Variants in LDB3 observed in about 807,000 individuals in gnomAD.
LDB3 encodes the protein LIM domain binding 3.
In LDB3, 49 loss-of-function variants were observed where a neutral mutation model predicts 69.0. The ratio of observed to expected loss-of-function variants is 0.71; its 90% CI spans 0.56 to 0.90. The LOEUF (loss-of-function observed/expected upper bound fraction) is 0.90, where lower values mean the gene tolerates loss of function less well. Ranked by LOEUF, LDB3 falls within the 40% of genes least tolerant of loss-of-function variation. The pLI, the probability that LDB3 is intolerant of heterozygous loss-of-function variation, is 0.00. For synonymous variants in LDB3, 387 were observed against 396.2 expected, an observed-to-expected ratio of 0.98 and a Z score of 0.28; for missense variants, 928 against 974.1, an observed-to-expected ratio of 0.95 and a Z score of 0.63.
At chr10:86,723,131 G>T (rs1030961941) in intron 12 of LDB3, among the ~76,000 whole-genome samples, 12 of 151,586 alleles carry the variant, frequency 7.9e-5, no homozygotes, top group Non-Finnish European at 1.3e-4. Context: ...GTAGCCGACC[G>T]TGGTGGTGCA....
intron 12 of LDB3, among the ~76,000 whole-genome samples, chr10:86,725,341 C>T (rs980130349): frequency 4.6e-5 from 7 of 152,092 alleles, no homozygotes; most frequent in Non-Finnish European, 1.0e-4. Context: ...ATCCACAAAA[C>T]AAAACAAAAA....
intron 7 of LDB3, among the ~76,000 whole-genome samples, chr10:86,695,529 C>T (rs1427956936): frequency 6.6e-6 from 1 of 152,230 alleles, no homozygotes; most frequent in Non-Finnish European, 1.5e-5. Flanking sequence ...AACTTCCCAC[C>T]CTGGAAGGAC....
intron 2 of LDB3, among the ~76,000 whole-genome samples, chr10:86,670,460 C>G (rs946618182): frequency 6.6e-6 from 1 of 152,166 alleles, no homozygotes; most frequent in Non-Finnish European, 1.5e-5. Context: ...ACATCTCCCC[C>G]AGCTCCACCA....
At position 86,699,350 on chromosome 10, in the gene LDB3, C is replaced by G; in HGVS notation, c.896+6779C>G. ...GCAACTGGCACCATGGCCTTTCAGC[C>G]CAAATCCTTAATGTTAAAAGCTAAA... is the stretch of plus-strand genomic sequence containing the variant. On this transcript the variant is annotated intron_variant, in intron 7 of 13. Transcript: ENST00000361373. This position sits in a 1 kb window ranked among gnomAD's most constrained non-coding sequence, Gnocchi z 4.9. 1.2e-6 allele frequency: 2 copies of G among 1,613,928 alleles called. No homozygotes were observed. Among genetic ancestry groups the G allele is most frequent in the Non-Finnish European group, 1.7e-6 (2 of 1,179,996 alleles).
chr10:86,688,918 G>A (rs565957538), intron 5 of LDB3, among the ~76,000 whole-genome samples: 12 of 152,240 alleles, frequency 7.9e-5, no homozygotes, highest in East Asian at 3.9e-4. Flanking sequence ...CACGAAGGAC[G>A]TTTCCCATCT....
In LDB3 at chr10:86,699,324, C is replaced by T. The variant is rs121908335; in HGVS notation, c.896+6753C>T. On this transcript the variant is annotated intron_variant, in intron 7 of 13. Transcript: ENST00000361373. The surrounding 1 kb of genome is among the most constrained non-coding windows in gnomAD (Gnocchi z 4.9). ...TAACAGCCCACGTTTTGCCAAATTG[C>T]GCAACTGGCACCATGGCCTTTCAGC... The T allele has an allele frequency of 1.2e-4, 201 of 1,613,696 alleles. No individual in the cohort carries two copies. Among genetic ancestry groups the T allele is most frequent in the Non-Finnish European group, 1.6e-4 (184 of 1,179,934 alleles).
intron 12 of LDB3, among the ~76,000 whole-genome samples, chr10:86,721,109 T>G (rs901018502): frequency 2.6e-5 from 4 of 152,220 alleles, no homozygotes; most frequent in Admixed American, 6.5e-5. Context: ...CGTGCCTATT[T>G]TTGATTCTGT....
chr10:86,720,139 T>A (rs565533185), intron 12 of LDB3, among the ~76,000 whole-genome samples: 1 of 152,242 alleles, frequency 6.6e-6, no homozygotes, highest in Admixed American at 6.5e-5. Context: ...TTCCCCTGAC[T>A]GTAAATTAGA....
rs1201989932 is a variant in LDB3, at chr10:86,733,116, G to GT, written c.*146dup. 1 of 704,460 alleles carries GT rather than the reference G, an allele frequency of 1.4e-6. No homozygotes were observed. The highest frequency in any genetic ancestry group is 2.5e-6 in the Non-Finnish European group (1 of 394,968). The allele number at this position is 704,460 out of a possible 1,614,324, so 43.6% of individuals were successfully genotyped here. A position where few individuals can be genotyped will look rare whatever the true frequency, so the allele number is the denominator to read the frequency against. ...GAGCCCTTTGGAAGTATAATTTTAG[G>GT]TTTTTTCTTCTGTACACAGATCGTG... is the stretch of plus-strand genomic sequence containing the variant. On this transcript the variant is annotated 3_prime_UTR_variant, in exon 14 of 14. Transcript: ENST00000361373.
At chr10:86,714,683 G>A (rs1436932546) in intron 9 of LDB3, among the ~76,000 whole-genome samples, 2 of 151,506 alleles carry the variant, frequency 1.3e-5, no homozygotes, top group African/African-American at 2.4e-5. Context: ...AGCCTCCTGA[G>A]TAGCTGGGAC....
chr10:86,702,649 G>A (rs1418451649), intron 7 of LDB3, among the ~76,000 whole-genome samples: 1 of 152,152 alleles, frequency 6.6e-6, no homozygotes, highest in Non-Finnish European at 1.5e-5. Flanking sequence ...ATCAGGATGG[G>A]GTGATCTCAC....
At chr10:86,685,285 C>A (rs1845405872) in intron 5 of LDB3, among the ~76,000 whole-genome samples, 2 of 152,218 alleles carry the variant, frequency 1.3e-5, no homozygotes. Context: ...TGGGCCTCAG[C>A]CTTTTCCATA....
chr10:86,692,374 A>T (rs1213236803), intron 6 of LDB3, among the ~76,000 whole-genome samples, 161 bp from the exon 7 acceptor site: 1 of 150,450 alleles, frequency 6.6e-6, no homozygotes, highest in Non-Finnish European at 1.5e-5. Context: ...CTCTTTCCCA[A>T]TGTCCTCTGG....
chr10:86,722,347 G>A (rs866921367), intron 12 of LDB3, among the ~76,000 whole-genome samples: 4 of 152,008 alleles, frequency 2.6e-5, no homozygotes, highest in Non-Finnish European at 5.9e-5. Flanking sequence ...TGCAAGCTCC[G>A]CCTCTGGGGT....
intron 13 of LDB3, 78 bp from the exon 14 acceptor site, chr10:86,732,809 G>T: frequency 8.4e-7 from 1 of 1,191,144 alleles, no homozygotes; most frequent in Non-Finnish European, 1.2e-6. Context: ...TGGCCAGGGC[G>T]TTTTCTTAAA....
At chr10:86,707,256 G>A (rs1171052057) in intron 8 of LDB3, among the ~76,000 whole-genome samples, 2 of 152,020 alleles carry the variant, frequency 1.3e-5, no homozygotes, top group Admixed American at 6.6e-5. Flanking sequence ...GGTATAGTGG[G>A]ATTTATATCT....
chr10:86,720,182 C>T (rs549962118), intron 12 of LDB3, among the ~76,000 whole-genome samples: 48 of 152,332 alleles, frequency 3.2e-4, no homozygotes, highest in Middle Eastern at 3.4e-3. Context: ...CGGTGGCTCA[C>T]GCCTGTAATC....
chr10:86,704,567 G>A (rs1055214247), intron 7 of LDB3, among the ~76,000 whole-genome samples: 2 of 147,460 alleles, frequency 1.4e-5, no homozygotes, highest in African/African-American at 2.6e-5. Flanking sequence ...GCGCCACCAC[G>A]CCCAGCTAAA....
At chr10:86,681,915 A>T (rs201818569) in intron 5 of LDB3, 112 bp downstream of exon 5, 5 of 1,138,254 alleles carry the variant, frequency 4.4e-6, no homozygotes, top group Non-Finnish European at 6.3e-6. Context: ...CAATCCAGCC[A>T]GCCCCGAGCC....
Sources: allele counts gnomAD v4.1 joint callset (sites outside exome capture counted in the v4.1 genomes callset), GRCh38; gene constraint gnomAD v4.1.1; non-coding constraint Gnocchi (gnomAD v3.1); transcripts MANE v1.5; gene names NCBI Gene and HGNC (gene_info 2026-07-23, HGNC 2026-07-21).